Variants in CAMK2A observed in about 807,000 individuals in gnomAD.
CAMK2A encodes the protein calcium/calmodulin dependent protein kinase II alpha, also known as calcium/calmodulin-dependent protein kinase type II subunit alpha.
In CAMK2A, 7 loss-of-function variants were observed where a neutral mutation model predicts 79.2. That is an observed-to-expected ratio of 0.09 (90% CI 0.05 to 0.17). CAMK2A has a LOEUF of 0.17. CAMK2A is among the 10% of genes least tolerant of loss of function. The pLI, the probability that CAMK2A is intolerant of heterozygous loss-of-function variation, is 1.00. For missense variants in CAMK2A, 214 were observed against 646.4 expected (o/e 0.33, Z 7.25); for synonymous variants, 242 against 251.7 (o/e 0.96, Z 0.36).
intron 9 of CAMK2A, 126 bp downstream of exon 9, chr5:150,251,624 C>T (rs1014117004): frequency 6.3e-6 from 4 of 634,292 alleles, no homozygotes; most frequent in African/African-American, 1.8e-5. Context: ...AACCACCTGG[C>T]CCTGGTCAGT....
chr5:150,258,522 T>C (rs1206508664), intron 3 of CAMK2A, among the ~76,000 whole-genome samples: 1 of 152,238 alleles, frequency 6.6e-6, no homozygotes, highest in Non-Finnish European at 1.5e-5. Flanking sequence ...TGTTGCTTGG[T>C]GAAAAAGCAA....
At chr5:150,272,735 G>T (rs1333349808) in intron 2 of CAMK2A, among the ~76,000 whole-genome samples, 2 of 152,012 alleles carry the variant, frequency 1.3e-5, no homozygotes, top group Admixed American at 1.3e-4. Context: ...CAGGCAGAGG[G>T]AATGGCAAGG....
At chr5:150,273,476 A>G (rs1286401938) in intron 1 of CAMK2A, among the ~76,000 whole-genome samples, 1 of 152,218 alleles carries the variant, frequency 6.6e-6, no homozygotes, top group Non-Finnish European at 1.5e-5. Context: ...GTCTCTGAAC[A>G]TTTTTAGATT....
intron 1 of CAMK2A, among the ~76,000 whole-genome samples, chr5:150,283,466 C>T (rs564213096): frequency 2.0e-5 from 3 of 152,200 alleles, no homozygotes; most frequent in East Asian, 3.9e-4. Context: ...CCTCAGACTC[C>T]GGGGCTCAAG....
intron 12 of CAMK2A, among the ~76,000 whole-genome samples, chr5:150,246,616 T>C (rs1207797016): frequency 6.6e-6 from 1 of 152,180 alleles, no homozygotes; most frequent in Non-Finnish European, 1.5e-5. Context: ...TAGAGTTCTT[T>C]AGGGTGCTTC....
chr5:150,251,766 T>C lies in CAMK2A; in HGVS notation c.677A>G (p.Lys226Arg). 1 of 1,607,106 alleles carries C rather than the reference T, an allele frequency of 6.2e-7. No homozygotes were observed. Among genetic ancestry groups the C allele is most frequent in the Non-Finnish European group, 8.5e-7 (1 of 1,177,158 alleles). Residue 226 changes from lysine to arginine, a missense_variant, in exon 9 of 19, where the codon AAA (lysine) becomes AGA (arginine). Lys to Arg is a conservative substitution (Grantham distance 26). Around this residue, in one of 4 missense-constraint regions of CAMK2A, gnomAD observed 72 missense variants for 333.9 expected, o/e 0.22. Transcript: ENST00000671881. ...GACACTCACATCATAGGCGCCGGCT[T>C]TGATCTGCTGGTACAGGCGGTGCTG... ...EDQHRLYQQIKAGAYDFPSPE... is the reference protein window; with the variant it reads ...EDQHRLYQQIRAGAYDFPSPE...
intron 6 of CAMK2A, among the ~76,000 whole-genome samples, chr5:150,254,493 G>A (rs1755968634): frequency 6.6e-6 from 1 of 152,216 alleles, no homozygotes. Flanking sequence ...TATCTTAACT[G>A]CTCTAGGCTG....
chr5:150,228,413 G>A, intron 16 of CAMK2A, 127 bp from the exon 17 acceptor site: 1 of 650,074 alleles, frequency 1.5e-6, no homozygotes, highest in East Asian at 2.7e-5. Context: ...TAGATGGGAA[G>A]GGGCCAGGGG....
chr5:150,224,823 G>T (rs181622020), intron 17 of CAMK2A, among the ~76,000 whole-genome samples: 2 of 151,310 alleles, frequency 1.3e-5, no homozygotes, highest in Admixed American at 1.3e-4. Flanking sequence ...AATCTGACTC[G>T]TCCCAAGCTG....
rs772552912 is a variant in CAMK2A at position 150,247,827 on chromosome 5, A to C, written c.901-13T>G. On this transcript the variant is annotated splice_polypyrimidine_tract_variant and intron_variant, in intron 11 of 18. Transcript: ENST00000671881. ...TGAGAATGGCTCCCTGCAAGACATA[A>C]GAAGAGGGCAGTGGGAGAGGAGGCC... 6.2e-7 allele frequency: 1 copy of C among 1,612,348 alleles called. No individual in the cohort carries two copies. The highest frequency in any genetic ancestry group is 1.7e-5 in the Admixed American group (1 of 59,884).
rs1445974036 is a variant in CAMK2A, at chr5:150,245,172, C to T, written c.973G>A (p.Asp325Asn). Residue 325 changes from aspartate to asparagine, a missense_variant, in exon 13 of 19, where the codon GAT becomes AAT. Transcript: ENST00000671881. ...CTGGAGGGGCTTACCTTCACACCAT[C>T]GCTCTTCTTGTTTCCCCCACTCTTC... ...GGKSGGNKKS[D>N]GVKKRKSSSS... The T allele has an allele frequency of 2.5e-6, 4 of 1,613,938 alleles. No homozygotes were observed. Among genetic ancestry groups the T allele is most frequent in the Non-Finnish European group, 2.5e-6 (3 of 1,179,988 alleles).
intron 16 of CAMK2A, among the ~76,000 whole-genome samples, chr5:150,230,317 C>CA (rs1216883745): frequency 0.36 from 21,716 of 60,842 alleles, 4,330 homozygotes; most frequent in African/African-American, 0.57. Context: ...GACTCCGTCT[C>CA]AAAAAAAAAA....
At chr5:150,235,144 T>A (rs956198751) in intron 15 of CAMK2A, among the ~76,000 whole-genome samples, 1 of 152,190 alleles carries the variant, frequency 6.6e-6, no homozygotes, top group Non-Finnish European at 1.5e-5. Flanking sequence ...ATATTATACC[T>A]CTATTAATGT....
chr5:150,278,811 C>A (rs1757083678), intron 1 of CAMK2A, among the ~76,000 whole-genome samples: 1 of 152,138 alleles, frequency 6.6e-6, no homozygotes. Flanking sequence ...CCTGGTCTAG[C>A]CCCTAAGAGT....
At chr5:150,250,135 A>C (rs1406505671) in intron 11 of CAMK2A, 91 bp downstream of exon 11, 3 of 924,606 alleles carry the variant, frequency 3.2e-6, no homozygotes, top group Admixed American at 3.7e-5. Flanking sequence ...TCAATGAAGG[A>C]AAGAATTAGT....
Position 150,284,570 on chromosome 5 carries a change from C to T in CAMK2A, c.62+4994G>A, listed in dbSNP as rs1047467649. On this transcript the variant is annotated intron_variant, in intron 1 of 18. Transcript: ENST00000671881. The surrounding 1 kb of genome is among the most constrained non-coding windows in gnomAD (Gnocchi z 5.3). ...CTGTGTGGGGGCGGCTGCGCGGGGG[C>T]GGAGGGCTGCAGCGTGCACCAGAAC... is the stretch of plus-strand genomic sequence containing the variant. 1.3e-5 allele frequency among the ~76,000 whole-genome samples: 2 copies of T among 152,026 alleles called. No individual in the cohort carries two copies. Among genetic ancestry groups the T allele is most frequent in the Non-Finnish European group, 2.9e-5 (2 of 67,988 alleles).
intron 15 of CAMK2A, among the ~76,000 whole-genome samples, chr5:150,237,360 T>C (rs1288155393): frequency 2.5e-5 from 2 of 80,862 alleles, no homozygotes; most frequent in African/African-American, 6.5e-5. Context: ...TTTTTTTATA[T>C]TTCAGAGACC....
intron 1 of CAMK2A, among the ~76,000 whole-genome samples, chr5:150,278,691 G>C (rs1045200924): frequency 6.6e-6 from 1 of 152,084 alleles, no homozygotes; most frequent in Non-Finnish European, 1.5e-5. Flanking sequence ...AAGTGTTTCT[G>C]AATTCCTCGA....
chr5:150,229,014 C>T (rs1479804411), intron 16 of CAMK2A, among the ~76,000 whole-genome samples: 1 of 152,188 alleles, frequency 6.6e-6, no homozygotes, highest in East Asian at 1.9e-4. Flanking sequence ...CTGTCTTTCC[C>T]ATCTCCAGGT....
Sources: allele counts gnomAD v4.1 joint callset (sites outside exome capture counted in the v4.1 genomes callset), GRCh38; gene constraint gnomAD v4.1.1; regional missense constraint gnomAD v4.1.1; non-coding constraint Gnocchi (gnomAD v3.1); transcripts MANE v1.5; gene names NCBI Gene and HGNC (gene_info 2026-07-23, HGNC 2026-07-21).